HIVEP3: variants seen among roughly 807,000 people sequenced by gnomAD.
The protein encoded by HIVEP3 is HIVEP zinc finger 3, also known as transcription factor HIVEP3.
Under a neutral mutation model 152.8 loss-of-function variants are expected in HIVEP3, and 49 were observed. The ratio of observed to expected loss-of-function variants is 0.32; its 90% CI spans 0.26 to 0.41. The LOEUF is 0.41. Ranked by LOEUF, HIVEP3 falls within the 10% of genes least tolerant of loss-of-function variation. HIVEP3 has a pLI of 1.00. For missense variants in HIVEP3, 2,790 were observed against 3,103.3 expected (o/e 0.90, Z 2.40); for synonymous variants, 1,269 against 1,289.0 (o/e 0.98, Z 0.33).
At chr1:41,611,414 C>T (rs1326233029) in intron 3 of HIVEP3, among the ~76,000 whole-genome samples, 3 of 152,182 alleles carry the variant, frequency 2.0e-5, no homozygotes, top group Non-Finnish European at 2.9e-5. Context: ...GGGGACAGAG[C>T]GCCATGTGCC....
At chr1:41,549,329 A>G (rs958176484) in intron 5 of HIVEP3, among the ~76,000 whole-genome samples, 1 of 152,210 alleles carries the variant, frequency 6.6e-6, no homozygotes, top group African/African-American at 2.4e-5. Flanking sequence ...TGCCACAATA[A>G]ACATATGTGT....
At chr1:41,526,551 C>CTCACT (rs1642926041) in intron 5 of HIVEP3, among the ~76,000 whole-genome samples, 2 of 100,812 alleles carry the variant, frequency 2.0e-5, no homozygotes, top group Admixed American at 9.4e-5. Flanking sequence ...CCACACTCAC[C>CTCACT]CTCACCCTCA....
At chr1:41,780,489 T>C (rs1413596149) in intron 1 of HIVEP3, among the ~76,000 whole-genome samples, 1 of 152,186 alleles carries the variant, frequency 6.6e-6, no homozygotes, top group African/African-American at 2.4e-5. Context: ...TGTGCTGGTT[T>C]ATTCTGGGGA....
intron 1 of HIVEP3, among the ~76,000 whole-genome samples, chr1:41,734,369 G>T (rs759155446): frequency 6.6e-6 from 1 of 152,200 alleles, no homozygotes; most frequent in African/African-American, 2.4e-5. Context: ...ATGGCCCAGC[G>T]TTTGGCCCAG....
chr1:42,009,738 T>C (rs1294815922), intron 1 of HIVEP3, among the ~76,000 whole-genome samples: 2 of 152,202 alleles, frequency 1.3e-5, no homozygotes, highest in East Asian at 3.9e-4. Context: ...AGAATTTGAT[T>C]CTTCCTTTAG....
rs1644913988 is a variant in HIVEP3, at chr1:41,918,850, C to A, written c.-1238G>T. On this transcript the variant is annotated 5_prime_UTR_variant, in exon 1 of 9. The change abolishes the stop of an existing upstream ORF in the 5' untranslated region. Transcript: ENST00000372583. This position sits in a 1 kb window ranked among gnomAD's most constrained non-coding sequence, Gnocchi z 4.3. Reference sequence around the variant, plus strand: ...TAAATTCAGCCTGCAGACACAGAATCTAATCAGCAGCTGTTTTCTGAATCC... The same window carrying A: ...TAAATTCAGCCTGCAGACACAGAATATAATCAGCAGCTGTTTTCTGAATCC... 6.6e-6 allele frequency: 1 copy of A among 152,228 alleles called. No homozygotes were observed. The highest frequency in any genetic ancestry group is 1.5e-5 in the Non-Finnish European group (1 of 68,034). 9.4% of individuals were successfully genotyped at this position (152,228 alleles called of 1,614,324 possible).
chr1:41,801,638 G>A (rs779323275), intron 1 of HIVEP3, among the ~76,000 whole-genome samples: 4 of 151,996 alleles, frequency 2.6e-5, no homozygotes, highest in South Asian at 4.2e-4. Flanking sequence ...CCAGCTACTC[G>A]GGAGGCTGAG....
intron 1 of HIVEP3, among the ~76,000 whole-genome samples, chr1:41,736,679 G>A (rs971128520): frequency 1.3e-5 from 2 of 152,162 alleles, no homozygotes; most frequent in Admixed American, 6.5e-5. Context: ...GCTTCCCTCC[G>A]CAAACTTTCA....
At chr1:41,738,268 C>T (rs562057619) in intron 1 of HIVEP3, among the ~76,000 whole-genome samples, 18 of 152,144 alleles carry the variant, frequency 1.2e-4, no homozygotes, top group South Asian at 8.3e-4. Context: ...CCTTGTACTG[C>T]GCAGAAATCG....
intron 3 of HIVEP3, among the ~76,000 whole-genome samples, chr1:41,607,723 A>T (rs1265931619): frequency 2.6e-5 from 4 of 152,304 alleles, no homozygotes; most frequent in African/African-American, 9.6e-5. Flanking sequence ...GATATGTATT[A>T]GGATACAGGT....
At chr1:41,868,162 G>C (rs1644013540) in intron 1 of HIVEP3, among the ~76,000 whole-genome samples, 1 of 149,716 alleles carries the variant, frequency 6.7e-6, no homozygotes, top group African/African-American at 2.5e-5. Context: ...TCTTAGCCAT[G>C]AACACCATCA....
chr1:41,799,252 G>A (rs1650163713), intron 1 of HIVEP3, among the ~76,000 whole-genome samples: 1 of 152,204 alleles, frequency 6.6e-6, no homozygotes, highest in Admixed American at 6.5e-5. Flanking sequence ...CAGTAGGCAT[G>A]TGAGCCCTTC....
chr1:42,033,280 C>A (rs1645623382), intron 1 of HIVEP3, among the ~76,000 whole-genome samples: 1 of 152,116 alleles, frequency 6.6e-6, no homozygotes, highest in African/African-American at 2.4e-5. Flanking sequence ...CATGGTCCTG[C>A]ACATGGTTAC....
chr1:41,531,968 G>A (rs377718660), intron 5 of HIVEP3, among the ~76,000 whole-genome samples: 1 of 124,214 alleles, frequency 8.1e-6, no homozygotes, highest in African/African-American at 3.2e-5. Flanking sequence ...GGAAGACAGG[G>A]GCGATAGAGG....
chr1:42,017,224 C>T (rs995629746), intron 1 of HIVEP3, among the ~76,000 whole-genome samples: 56 of 152,088 alleles, frequency 3.7e-4, no homozygotes, highest in Admixed American at 1.1e-3. Context: ...TAATTGTGGA[C>T]CTTTCATTTT....
intron 3 of HIVEP3, among the ~76,000 whole-genome samples, chr1:41,611,785 C>T (rs1405562618): frequency 6.6e-6 from 1 of 152,216 alleles, no homozygotes; most frequent in Non-Finnish European, 1.5e-5. Flanking sequence ...TGCCTGATTC[C>T]ATATCGGAAA....
chr1:42,034,580 G>A (rs990306520), intron 1 of HIVEP3, among the ~76,000 whole-genome samples: 2 of 152,160 alleles, frequency 1.3e-5, no homozygotes, highest in African/African-American at 4.8e-5. Flanking sequence ...TTATCCCTAG[G>A]CAGGACTGTA....
At chr1:41,591,200 C>G (rs1644582483) in intron 3 of HIVEP3, among the ~76,000 whole-genome samples, 1 of 152,202 alleles carries the variant, frequency 6.6e-6, no homozygotes, top group Non-Finnish European at 1.5e-5. Flanking sequence ...ATAAGACTGA[C>G]TGGGGTTACC....
chr1:41,981,314 G>C (rs1023157506), intron 1 of HIVEP3, among the ~76,000 whole-genome samples: 1 of 152,138 alleles, frequency 6.6e-6, no homozygotes, highest in African/African-American at 2.4e-5. Flanking sequence ...AGAAAATAAA[G>C]GCAAGATTCC....
Sources: allele counts gnomAD v4.1 joint callset (sites outside exome capture counted in the v4.1 genomes callset), GRCh38; gene constraint gnomAD v4.1.1; non-coding constraint Gnocchi (gnomAD v3.1); transcripts MANE v1.5; gene names NCBI Gene and HGNC (gene_info 2026-07-23, HGNC 2026-07-21).